The following SH3GL3 variants were observed in gnomAD, a reference collection of about 807,000 sequenced individuals.
SH3GL3 encodes the protein endophilin-A3.
A neutral mutation model predicts 47.7 loss-of-function variants in SH3GL3; 33 were observed. That is an observed-to-expected ratio of 0.69 (90% CI 0.52 to 0.92). The LOEUF (loss-of-function observed/expected upper bound fraction) is 0.92. Ranked by LOEUF, SH3GL3 falls within the 40% of genes least tolerant of loss-of-function variation. The pLI is 0.00. For synonymous variants in SH3GL3, 155 were observed against 148.8 expected (o/e 1.04, Z -0.30); for missense variants, 363 against 417.8 (o/e 0.87, Z 1.14).
At chr15:83,523,751 CTCTCTCTTCTTTCTT>C (rs1183377183) in intron 1 of SH3GL3, among the ~76,000 whole-genome samples, 1 of 152,124 alleles carries the variant, frequency 6.6e-6, no homozygotes, top group Non-Finnish European at 1.5e-5. Flanking sequence ...CTCCCTCCTT[CTCTCTCTTCTTTCTT>C]TCTTTCCTTC....
intron 8 of SH3GL3, among the ~76,000 whole-genome samples, chr15:83,600,720 T>G (rs1450169639): frequency 6.6e-6 from 1 of 152,220 alleles, no homozygotes; most frequent in African/African-American, 2.4e-5. Context: ...TTTCTAGTTT[T>G]GTGAAGAATG....
chr15:83,529,656 T>C (rs1157319849), intron 1 of SH3GL3, among the ~76,000 whole-genome samples: 1 of 116,828 alleles, frequency 8.6e-6, no homozygotes, highest in African/African-American at 3.3e-5. Flanking sequence ...TGGTGGTGGG[T>C]GGGGAGAGCT....
At chr15:83,456,974 TGG>T (rs1461948000) in intron 1 of SH3GL3, among the ~76,000 whole-genome samples, 3 of 152,258 alleles carry the variant, frequency 2.0e-5, no homozygotes, top group African/African-American at 7.2e-5. Context: ...TATGGCATTG[TGG>T]TTTCTTGTTA....
At chr15:83,595,164 C>T (rs935170105) in intron 8 of SH3GL3, among the ~76,000 whole-genome samples, 41 of 152,214 alleles carry the variant, frequency 2.7e-4, no homozygotes, top group African/African-American at 9.1e-4. Flanking sequence ...TGGGACAGTA[C>T]ACGGCCATAA....
intron 1 of SH3GL3, among the ~76,000 whole-genome samples, chr15:83,484,771 A>G (rs2041518447): frequency 6.6e-6 from 1 of 152,084 alleles, no homozygotes; most frequent in South Asian, 2.1e-4. Flanking sequence ...TGCCATTTTG[A>G]GTTCTTAGGT....
intron 8 of SH3GL3, among the ~76,000 whole-genome samples, chr15:83,604,092 G>C (rs1400718853): frequency 6.6e-6 from 1 of 152,106 alleles, no homozygotes; most frequent in East Asian, 1.9e-4. Flanking sequence ...GTTGTGGTGA[G>C]CCGAGATCGC....
chr15:83,574,457 A>G (rs2059621616), intron 5 of SH3GL3, among the ~76,000 whole-genome samples: 1 of 152,078 alleles, frequency 6.6e-6, no homozygotes, highest in Non-Finnish European at 1.5e-5. Flanking sequence ...CCGTTGTGAC[A>G]TCCATCGTCC....
intron 7 of SH3GL3, 70 bp from the exon 8 acceptor site, chr15:83,588,592 G>A (rs1473064148): frequency 1.0e-6 from 1 of 953,500 alleles, no homozygotes; most frequent in African/African-American, 1.6e-5. Flanking sequence ...GCTCAACAAG[G>A]CAGAGAGGAT....
At chr15:83,492,006 C>T (rs1487562008) in intron 1 of SH3GL3, among the ~76,000 whole-genome samples, 1 of 152,094 alleles carries the variant, frequency 6.6e-6, no homozygotes, top group Non-Finnish European at 1.5e-5. Flanking sequence ...AAGTACAGGC[C>T]AGGCTTGGTG....
At chr15:83,536,651 G>T (rs1432381594) in intron 1 of SH3GL3, among the ~76,000 whole-genome samples, 1 of 151,894 alleles carries the variant, frequency 6.6e-6, no homozygotes. Flanking sequence ...TCCACCCAAA[G>T]TGCTGGGATT....
At chr15:83,613,794 T>C (rs1031517341) in intron 8 of SH3GL3, among the ~76,000 whole-genome samples, 3 of 152,160 alleles carry the variant, frequency 2.0e-5, no homozygotes, top group Non-Finnish European at 4.4e-5. Flanking sequence ...TCTGGAGCCC[T>C]CCTGTTTCTG....
intron 1 of SH3GL3, among the ~76,000 whole-genome samples, chr15:83,547,102 G>T (rs2044438793): frequency 6.6e-6 from 1 of 152,172 alleles, no homozygotes; most frequent in Admixed American, 6.5e-5. Context: ...CTGGCTGTAG[G>T]CCCAGCAGAG....
chr15:83,515,333 G>A (rs775752706), intron 1 of SH3GL3, among the ~76,000 whole-genome samples: 18 of 152,182 alleles, frequency 1.2e-4, no homozygotes, highest in Non-Finnish European at 2.1e-4. Context: ...AATTGCCTGT[G>A]TCTTATTTTG....
chr15:83,588,574 G>A, intron 7 of SH3GL3, 88 bp from the exon 8 acceptor site: 1 of 825,984 alleles, frequency 1.2e-6, no homozygotes, highest in Non-Finnish European at 2.1e-6. Flanking sequence ...TGTAACCTAA[G>A]TTCCTGTGCT....
chr15:83,575,080 A>G (rs2059638193), intron 5 of SH3GL3, among the ~76,000 whole-genome samples: 1 of 152,104 alleles, frequency 6.6e-6, no homozygotes, highest in South Asian at 2.1e-4. Flanking sequence ...GTGGGTACGT[A>G]GTAGGTGTAT....
chr15:83,465,873 T>A (rs927985139), intron 1 of SH3GL3, among the ~76,000 whole-genome samples: 6 of 152,294 alleles, frequency 3.9e-5, no homozygotes, highest in Non-Finnish European at 5.9e-5. Context: ...ATAATACCAA[T>A]CTCTTGTATC....
At chr15:83,588,401 C>T (rs2060005966) in intron 7 of SH3GL3, among the ~76,000 whole-genome samples, 1 of 152,228 alleles carries the variant, frequency 6.6e-6, no homozygotes, top group South Asian at 2.1e-4. Flanking sequence ...GCTGGGATTA[C>T]AGGCATGAGC....
intron 1 of SH3GL3, among the ~76,000 whole-genome samples, chr15:83,457,386 T>A (rs891123959): frequency 6.6e-6 from 1 of 152,210 alleles, no homozygotes; most frequent in Non-Finnish European, 1.5e-5. Flanking sequence ...ACACTGCTTG[T>A]AGGGCAGAAA....
intron 1 of SH3GL3, among the ~76,000 whole-genome samples, chr15:83,494,664 T>A (rs2042009900): frequency 6.6e-6 from 1 of 151,708 alleles, no homozygotes. Context: ...TGCCTCAGGC[T>A]CCTGAGTAGC....
Sources: allele counts gnomAD v4.1 joint callset (sites outside exome capture counted in the v4.1 genomes callset), GRCh38; gene constraint gnomAD v4.1.1; transcripts MANE v1.5; gene names NCBI Gene and HGNC (gene_info 2026-07-23, HGNC 2026-07-21).